The following WSCD2 variants were observed in gnomAD, a reference collection of about 807,000 sequenced individuals.
WSCD2 encodes WSC domain sialate O sulfotransferase 2, also known as sialate:O-sulfotransferase 2.
WSCD2 carries 28 observed loss-of-function variants against 55.7 expected under a neutral mutation model. The ratio of observed to expected loss-of-function variants is 0.50; its 90% CI spans 0.37 to 0.69. WSCD2 has a LOEUF of 0.69. Ranked by LOEUF, WSCD2 falls within the 30% of genes least tolerant of loss-of-function variation. The pLI, the probability that WSCD2 is intolerant of heterozygous loss-of-function variation, is 0.00. For missense variants in WSCD2, 616 were observed against 762.1 expected, an observed-to-expected ratio of 0.81 and a Z score of 2.26; for synonymous variants, 301 against 301.9, an observed-to-expected ratio of 1.00 and a Z score of 0.03.
At chr12:108,197,248 G>A (rs1002762353) in intron 2 of WSCD2, 1 of 152,188 alleles carries the variant, frequency 6.6e-6, no homozygotes, top group Non-Finnish European at 1.5e-5. Flanking sequence ...CTGCTACCAT[G>A]GAAGGAAGCA....
intron 1 of WSCD2, among the ~76,000 whole-genome samples, chr12:108,165,012 G>GA (rs1358354136): frequency 6.6e-6 from 1 of 152,204 alleles, no homozygotes. Flanking sequence ...TTTGAGAAAA[G>GA]AAAGACTTTA....
intron 4 of WSCD2, among the ~76,000 whole-genome samples, chr12:108,216,383 T>C (rs969872568): frequency 7.2e-5 from 11 of 152,182 alleles, no homozygotes; most frequent in Admixed American, 6.5e-4. Flanking sequence ...TGCTATTATA[T>C]AGAAAGGTTT....
chr12:108,235,330 G>A (rs2137207097), intron 7 of WSCD2, among the ~76,000 whole-genome samples: 1 of 152,278 alleles, frequency 6.6e-6, no homozygotes, highest in South Asian at 2.1e-4. Context: ...AAGGGGGTTG[G>A]TCTCTGACTA....
intron 4 of WSCD2, among the ~76,000 whole-genome samples, chr12:108,221,843 C>G (rs1265917888): frequency 2.6e-5 from 4 of 152,174 alleles, no homozygotes; most frequent in Non-Finnish European, 5.9e-5. Context: ...GGAGGGACCA[C>G]GCAGCAGATC....
chr12:108,195,836 G>A lies in WSCD2; in HGVS notation c.4G>A (p.Ala2Thr), dbSNP rs1283447564. The A allele has an allele frequency of 6.2e-7, 1 of 1,608,118 alleles. No individual in the cohort carries two copies. Among genetic ancestry groups the A allele is most frequent in the African/African-American group, 1.3e-5 (1 of 74,894 alleles). The change falls in exon 2 of 9, where the codon GCC becomes ACC. Residue 2 changes from alanine to threonine, a missense_variant. By Grantham distance (58) the Ala-to-Thr change is moderately conservative (BLOSUM62 0). Transcript: ENST00000547525. M[A>T]KLWFKFQRYF... ...GCCAGTCCGGAATGATCCCACTATG[G>A]CCAAGCTCTGGTTCAAATTCCAGCG...
chr12:108,193,044 G>T (rs1883387500), intron 1 of WSCD2, among the ~76,000 whole-genome samples: 1 of 152,058 alleles, frequency 6.6e-6, no homozygotes, highest in Non-Finnish European at 1.5e-5. Flanking sequence ...GGTGGCACTG[G>T]GTTTACCATC....
Position 108,248,612 on chromosome 12 carries a change from T to C in WSCD2, c.*269T>C, listed in dbSNP as rs1890253594. ...TTCTAGTTACATGGACTCTTTTCTG[T>C]CTCCTGGGTCCCTGCCCCCACCACT... On this transcript the variant is annotated 3_prime_UTR_variant, in exon 9 of 9. Coordinates refer to ENST00000547525, the MANE Select transcript of WSCD2 (RefSeq NM_014653.4). The surrounding 1 kb of genome is among the most constrained non-coding windows in gnomAD (Gnocchi z 4.3). 1 of 1,211,010 alleles carries C rather than the reference T, an allele frequency of 8.3e-7. No homozygotes were observed. The highest frequency in any genetic ancestry group is 1.0e-6 in the Non-Finnish European group (1 of 967,374). The allele number at this position is 1,211,010 out of a possible 1,614,324, so 75.0% of individuals were successfully genotyped here.
At chr12:108,166,817 C>CTTTT (rs550529805) in intron 1 of WSCD2, among the ~76,000 whole-genome samples, 1 of 103,736 alleles carries the variant, frequency 9.6e-6, no homozygotes, top group African/African-American at 3.8e-5. Flanking sequence ...CTCTTTTTTT[C>CTTTT]TTTTTTTTTT....
At chr12:108,208,302 A>G (rs903251614) in intron 3 of WSCD2, among the ~76,000 whole-genome samples, 4 of 152,216 alleles carry the variant, frequency 2.6e-5, no homozygotes, top group African/African-American at 4.8e-5. Context: ...GCATTTTGCA[A>G]ATATTAACTG....
chr12:108,201,264 T>A (rs12309907), intron 2 of WSCD2, among the ~76,000 whole-genome samples: 3,643 of 152,262 alleles, frequency 0.024, 125 homozygotes, highest in East Asian at 0.15. Context: ...TTCCCAGCCA[T>A]CCTCAGCAAT....
At chr12:108,156,393 T>C (rs552692651) in intron 1 of WSCD2, among the ~76,000 whole-genome samples, 1 of 152,358 alleles carries the variant, frequency 6.6e-6, no homozygotes, top group East Asian at 1.9e-4. Context: ...GTAGCAGTTA[T>C]AACTTTCTAA....
chr12:108,189,294 T>C (rs1882887185), intron 1 of WSCD2: 1 of 152,172 alleles, frequency 6.6e-6, no homozygotes, highest in Admixed American at 6.5e-5. Context: ...TATTGAGTCA[T>C]CTGTTACAGA....
chr12:108,226,216 G>A (rs1233860945), intron 5 of WSCD2, among the ~76,000 whole-genome samples: 1 of 152,168 alleles, frequency 6.6e-6, no homozygotes, highest in East Asian at 1.9e-4. Context: ...AGAACTAGGG[G>A]TGGTGGGTCC....
rs534777198 is a variant in WSCD2, at chr12:108,178,078, A to G, written c.-551-17204A>G. 4.6e-5 allele frequency among the ~76,000 whole-genome samples: 7 copies of G among 152,286 alleles called. No homozygotes were observed. In the East Asian group the frequency reaches 1.4e-3, roughly 29 times the overall value. On this transcript the variant is annotated intron_variant, in intron 1 of 8. Coordinates refer to ENST00000547525, the MANE Select transcript of WSCD2 (RefSeq NM_014653.4). ...TGTAACAAAACACCACATGCTGAGT[A>G]GCTTAAACAACTAAAATTTATTATC...
intron 1 of WSCD2, among the ~76,000 whole-genome samples, chr12:108,166,761 T>TTTCTTTCTTTCTCTTTC (rs10680980): frequency 3.2e-5 from 4 of 124,820 alleles, no homozygotes; most frequent in African/African-American, 1.2e-4. Flanking sequence ...TCTTTCTTTC[T>TTTCTTTCTTTCTCTTTC]TTTCTTTCTT....
chr12:108,178,180 T>C (rs981331642), intron 1 of WSCD2, among the ~76,000 whole-genome samples: 1 of 152,090 alleles, frequency 6.6e-6, no homozygotes, highest in Non-Finnish European at 1.5e-5. Flanking sequence ...GTGGGAAGAA[T>C]TTGCTTCCTA....
At chr12:108,168,764 C>G (rs937171267) in intron 1 of WSCD2, among the ~76,000 whole-genome samples, 1 of 152,216 alleles carries the variant, frequency 6.6e-6, no homozygotes, top group East Asian at 1.9e-4. Context: ...TAAAACTTCT[C>G]CCTTACTGTA....
chr12:108,247,935 C>T, intron 8 of WSCD2, 56 bp from the exon 9 acceptor site: 2 of 1,560,040 alleles, frequency 1.3e-6, no homozygotes, highest in Non-Finnish European at 1.7e-6. Flanking sequence ...CACCATCTGA[C>T]TGGGTCTTTC....
intron 7 of WSCD2, among the ~76,000 whole-genome samples, chr12:108,234,963 A>G (rs1306421265): frequency 2.0e-5 from 3 of 152,178 alleles, no homozygotes; most frequent in Non-Finnish European, 4.4e-5. Context: ...ACGCCTGTTG[A>G]AAGTAGAGAA....
Sources: allele counts gnomAD v4.1 joint callset (sites outside exome capture counted in the v4.1 genomes callset), GRCh38; gene constraint gnomAD v4.1.1; non-coding constraint Gnocchi (gnomAD v3.1); transcripts MANE v1.5; gene names NCBI Gene and HGNC (gene_info 2026-07-23, HGNC 2026-07-21).